The following TFEC variants were observed in gnomAD, a reference collection of about 807,000 sequenced individuals.
TFEC encodes the protein class E basic helix-loop-helix protein 34.
Under a neutral mutation model 41.6 loss-of-function variants are expected in TFEC, and 31 were observed. The ratio of observed to expected loss-of-function variants is 0.74; its 90% confidence interval spans 0.56 to 1.01. The LOEUF (loss-of-function observed/expected upper bound fraction) is 1.01, where lower values mean the gene tolerates loss of function less well. Among genes scored for constraint, TFEC ranks in the 50% least tolerant of loss-of-function variants. The pLI, the probability that TFEC is intolerant of heterozygous loss-of-function variation, is 0.00. For missense variants in TFEC, 402 were observed against 404.1 expected (o/e 0.99, Z 0.04); for synonymous variants, 143 against 140.6 (o/e 1.02, Z -0.12).
chr7:116,074,645 T>C (rs891235279), intron 3 of TFEC, among the ~76,000 whole-genome samples: 3 of 152,166 alleles, frequency 2.0e-5, no homozygotes, highest in African/African-American at 7.2e-5. Context: ...GGAATGTTTA[T>C]AAATTTCTGG....
chr7:115,960,532 A>C (rs1792485443), intron 3 of TFEC, among the ~76,000 whole-genome samples: 1 of 151,692 alleles, frequency 6.6e-6, no homozygotes, highest in Admixed American at 6.6e-5. Flanking sequence ...TGAAACACAT[A>C]ACCATGTAAC....
In TFEC at chr7:115,938,020, C is replaced by T. The variant is rs1465301110; in HGVS notation, c.*2531G>A. 6.6e-6 allele frequency: 1 copy of T among 151,824 alleles called. No homozygotes were observed. The highest frequency in any genetic ancestry group is 2.4e-5 in the African/African-American group (1 of 41,404). 9.4% of individuals were successfully genotyped at this position (151,824 alleles called of 1,614,324 possible). ...CTTTACTCTCTTTAAAAATTCATTA[C>T]CCTTTTTACAGTTCCCTGACATCTC... On this transcript the variant is annotated 3_prime_UTR_variant, in exon 8 of 8. Coordinates refer to ENST00000265440, the MANE Select transcript of TFEC (RefSeq NM_012252.4).
chr7:116,074,125 C>T (rs948243104), intron 3 of TFEC, among the ~76,000 whole-genome samples: 6 of 151,396 alleles, frequency 4.0e-5, no homozygotes, highest in Admixed American at 4.0e-4. Context: ...TAAAAGAAAA[C>T]ATATATATGC....
intron 1 of TFEC, among the ~76,000 whole-genome samples, chr7:116,004,962 A>C (rs1230578843): frequency 6.6e-6 from 1 of 152,152 alleles, no homozygotes; most frequent in African/African-American, 2.4e-5. Flanking sequence ...AGTAAGTCTC[A>C]TGAGACCTGA....
At chr7:116,022,551 G>A (rs112454931) in intron 1 of TFEC, among the ~76,000 whole-genome samples, 1,584 of 152,102 alleles carry the variant, frequency 0.01, 30 homozygotes, top group African/African-American at 0.035. Flanking sequence ...AATTCTCAGA[G>A]TTATTTTGAT....
At chr7:116,046,299 G>A (rs577549181) in intron 3 of TFEC, among the ~76,000 whole-genome samples, 5 of 152,234 alleles carry the variant, frequency 3.3e-5, no homozygotes, top group Admixed American at 1.3e-4. Context: ...GTATCTCCCC[G>A]AATTCCCACA....
At chr7:116,127,076 G>A (rs1798226177) in intron 1 of TFEC, among the ~76,000 whole-genome samples, 1 of 151,914 alleles carries the variant, frequency 6.6e-6, no homozygotes. Flanking sequence ...GTACATGTCT[G>A]GGCTTTGGTT....
At position 115,981,694 on chromosome 7, in the gene TFEC, C is replaced by T. The variant is rs180858111; in HGVS notation, c.180+2568G>A. Among the ~76,000 whole-genome samples, 250 of 152,274 alleles carry T rather than the reference C, an allele frequency of 1.6e-3. 1 individual carries two copies. Among genetic ancestry groups the T allele is most frequent in the Middle Eastern group, 3.4e-3 (1 of 294 alleles). ...TGTTATCCATATGATATCAGCGTTGCTATGAAAACTCAGATAACAGGCGCT... is the reference window on the plus strand; with the variant it reads ...TGTTATCCATATGATATCAGCGTTGTTATGAAAACTCAGATAACAGGCGCT... On this transcript the variant is annotated intron_variant, in intron 2 of 7. Coordinates refer to ENST00000265440, the MANE Select transcript of TFEC (RefSeq NM_012252.4).
At chr7:116,043,324 A>G (rs1470964089) in intron 3 of TFEC, among the ~76,000 whole-genome samples, 1 of 152,118 alleles carries the variant, frequency 6.6e-6, no homozygotes, top group Admixed American at 6.6e-5. Context: ...AAATTCCACC[A>G]ATATTTCATT....
chr7:116,093,243 A>G (rs531946908), intron 3 of TFEC, among the ~76,000 whole-genome samples: 46 of 152,274 alleles, frequency 3.0e-4, no homozygotes, highest in African/African-American at 1.1e-3. Context: ...CATAGAATAT[A>G]TATGTTTGAA....
chr7:116,024,849 T>C (rs779849264), intron 1 of TFEC, among the ~76,000 whole-genome samples: 2 of 150,168 alleles, frequency 1.3e-5, no homozygotes, highest in Non-Finnish European at 2.9e-5. Context: ...TATCCATTTA[T>C]TTTATACATT....
At chr7:116,104,216 C>T (rs1797666630) in intron 3 of TFEC, among the ~76,000 whole-genome samples, 1 of 152,136 alleles carries the variant, frequency 6.6e-6, no homozygotes, top group Non-Finnish European at 1.5e-5. Flanking sequence ...CAGTGCCAGA[C>T]TGCCTTCTAC....
At chr7:116,125,995 G>GA in intron 1 of TFEC, among the ~76,000 whole-genome samples, 1 of 151,962 alleles carries the variant, frequency 6.6e-6, no homozygotes, top group East Asian at 1.9e-4. Context: ...GCCCAGTAGT[G>GA]AAAACAGATC....
At position 115,940,890 on chromosome 7, in the gene TFEC, C is replaced by T. The variant is rs1054787804; in HGVS notation, c.705G>A (p.Leu235=). The part of the protein sequence containing the change: ...IQARTHGLPT[L]ASLGTVDLGA... ...CTAAATCAACCGTGCCAAGTGAAGC[C>T]AGGGTTGGCAGACCATGAGTACGAG... The change falls in exon 8 of 8, where the codon CTG becomes CTA. Residue 235 remains leucine, a synonymous_variant. Transcript: ENST00000265440. 5 of 1,609,710 alleles carry T rather than the reference C, an allele frequency of 3.1e-6. No individual in the cohort carries two copies. Among genetic ancestry groups the T allele is most frequent in the Non-Finnish European group, 4.2e-6 (5 of 1,177,274 alleles).
At chr7:116,026,985 T>G (rs753628943) in intron 1 of TFEC, among the ~76,000 whole-genome samples, 1 of 152,168 alleles carries the variant, frequency 6.6e-6, no homozygotes, top group Non-Finnish European at 1.5e-5. Flanking sequence ...GCCTAGAATT[T>G]TACCAGAATT....
At chr7:115,964,314 T>C (rs777613285) in intron 3 of TFEC, among the ~76,000 whole-genome samples, 10 of 151,598 alleles carry the variant, frequency 6.6e-5, no homozygotes, top group Non-Finnish European at 1.5e-4. Context: ...AAAAGTATCA[T>C]ATTTTCAAGA....
At chr7:115,950,079 T>G (rs1391768158) in intron 6 of TFEC, among the ~76,000 whole-genome samples, 1 of 151,592 alleles carries the variant, frequency 6.6e-6, no homozygotes, top group Non-Finnish European at 1.5e-5. Flanking sequence ...TGGCATGATC[T>G]TAGCTCAACA....
intron 3 of TFEC, among the ~76,000 whole-genome samples, chr7:115,969,629 C>T (rs900054697): frequency 3.3e-5 from 5 of 151,858 alleles, no homozygotes; most frequent in South Asian, 4.1e-4. Flanking sequence ...GATTATATTC[C>T]GAATATTTCA....
intron 3 of TFEC, 24 bp from the exon 4 acceptor site, chr7:115,956,817 G>T: frequency 6.8e-7 from 1 of 1,473,394 alleles, no homozygotes; most frequent in South Asian, 1.3e-5. Context: ...AGGAAGAAAA[G>T]ATTAATAAAA....
Sources: gnomAD v4.1 joint callset for allele counts (sites outside exome capture counted in the v4.1 genomes callset) on GRCh38, gnomAD v4.1.1 for gene constraint, MANE v1.5 for transcripts, NCBI Gene and HGNC (gene_info 2026-07-23, HGNC 2026-07-21) for gene names.